AFDN: variants seen among roughly 807,000 people sequenced by gnomAD.
AFDN encodes afadin.
AFDN carries 68 observed loss-of-function variants against 216.6 expected under a neutral mutation model. The ratio of observed to expected loss-of-function variants is 0.31; its 90% confidence interval spans 0.26 to 0.38. The LOEUF is 0.38. Ranked by LOEUF, AFDN falls within the 10% of genes least tolerant of loss-of-function variation. The pLI, the probability that AFDN is intolerant of heterozygous loss-of-function variation, is 1.00. For missense variants in AFDN, 2,136 were observed against 2,342.0 expected, an observed-to-expected ratio of 0.91 and a Z score of 1.82; for synonymous variants, 868 against 853.7, an observed-to-expected ratio of 1.02 and a Z score of -0.29.
intron 1 of AFDN, among the ~76,000 whole-genome samples, chr6:167,859,127 T>C (rs1254688850): frequency 6.6e-6 from 1 of 151,530 alleles, no homozygotes; most frequent in African/African-American, 2.4e-5. Context: ...ATTTGTCTTG[T>C]AAAAATTTTA....
chr6:167,939,746 T>C (rs1443221858), intron 23 of AFDN, among the ~76,000 whole-genome samples: 2 of 152,202 alleles, frequency 1.3e-5, no homozygotes, highest in African/African-American at 4.8e-5. Flanking sequence ...AGATTATGTA[T>C]GAGGGATTAC....
chr6:167,902,538 C>T, intron 12 of AFDN, 152 bp downstream of exon 12: 1 of 556,012 alleles, frequency 1.8e-6, no homozygotes, highest in Non-Finnish European at 3.2e-6. Context: ...GTACAGAGCC[C>T]TATGGATACT....
intron 32 of AFDN, chr6:167,968,869 C>T (rs1224791667): frequency 1.5e-5 from 7 of 456,220 alleles, no homozygotes; most frequent in East Asian, 4.0e-5. Flanking sequence ...CAGTATTCCT[C>T]CCTCATAGTG....
At chr6:167,845,470 T>A (rs1035793670) in intron 1 of AFDN, among the ~76,000 whole-genome samples, 18 of 152,102 alleles carry the variant, frequency 1.2e-4, no homozygotes, top group African/African-American at 4.3e-4. Context: ...CGATCTTGGC[T>A]CACTGGCACC....
intron 1 of AFDN, among the ~76,000 whole-genome samples, chr6:167,860,587 T>G (rs900186163): frequency 6.6e-6 from 1 of 152,226 alleles, no homozygotes; most frequent in African/African-American, 2.4e-5. Context: ...AAGCTTGTTT[T>G]CATTTTATAA....
chr6:167,948,591 C>A (rs1795612427), intron 29 of AFDN, 113 bp downstream of exon 29: 2 of 1,030,078 alleles, frequency 1.9e-6, no homozygotes, highest in Non-Finnish European at 2.7e-6. Context: ...TTTGTTTTTC[C>A]TTTAATGGTT....
chr6:167,886,006 T>C (rs980502762), intron 6 of AFDN, among the ~76,000 whole-genome samples: 1 of 152,206 alleles, frequency 6.6e-6, no homozygotes, highest in African/African-American at 2.4e-5. Flanking sequence ...ACATGTGTTA[T>C]ATGATTAAGA....
chr6:167,919,145 C>T (rs1791475506), intron 21 of AFDN, among the ~76,000 whole-genome samples: 1 of 152,168 alleles, frequency 6.6e-6, no homozygotes, highest in South Asian at 2.1e-4. Flanking sequence ...GTTTTGTGAC[C>T]CTGTAGTGAG....
chr6:167,899,549 A>C (rs1183341128), intron 11 of AFDN, among the ~76,000 whole-genome samples: 1 of 152,190 alleles, frequency 6.6e-6, no homozygotes, highest in Admixed American at 6.5e-5. Flanking sequence ...CATTAGCTTT[A>C]CATGGGCTCT....
rs368104244 is a variant in AFDN, at chr6:167,875,429, C to T, written c.673C>T (p.Arg225Trp). ...TAATCCTGAGGTGGTTATGAAACGACGGAGGCAGCAAAAATTGGAAAAGAG... is the reference window on the plus strand; with the variant it reads ...TAATCCTGAGGTGGTTATGAAACGATGGAGGCAGCAAAAATTGGAAAAGAG... ...ISNPEVVMKR[R>W]RQQKLEKRMQ... Residue 225 changes from arginine to tryptophan, a missense_variant, in exon 5 of 34, where the codon CGG becomes TGG. Physicochemically the swap from Arg to Trp is moderately radical, Grantham distance 101. Coordinates refer to ENST00000683244, the MANE Select transcript of AFDN (RefSeq NM_001386888.1). 3.7e-6 allele frequency: 6 copies of T among 1,613,656 alleles called. No homozygotes were observed. Among genetic ancestry groups the T allele is most frequent in the African/African-American group, 2.7e-5 (2 of 74,794 alleles).
chr6:167,954,566 T>C, intron 30 of AFDN: 3 of 1,411,308 alleles, frequency 2.1e-6, no homozygotes, highest in Non-Finnish European at 2.9e-6. Context: ...GGTGGCTGTT[T>C]GATGTTTTCA....
intron 29 of AFDN, among the ~76,000 whole-genome samples, chr6:167,950,037 C>T (rs930051023): frequency 3.3e-5 from 5 of 152,110 alleles, no homozygotes; most frequent in African/African-American, 9.7e-5. Flanking sequence ...CAGCAGGGAG[C>T]GGCGGTAGGC....
rs144756938 is a variant in AFDN at position 167,915,758 on chromosome 6, A to G, written c.2565+325A>G. On this transcript the variant is annotated intron_variant, in intron 19 of 33. Transcript: ENST00000683244. ...CACCAAGCAACTGCAGATTGTTTAC[A>G]TGGTTTGTTTTCTGATAATTTAATG... Among the ~76,000 whole-genome samples the G allele has an allele frequency of 1.9e-3, 290 of 152,356 alleles. 1 individual carries two copies. Among genetic ancestry groups the G allele is most frequent in the African/African-American group, 6.6e-3 (276 of 41,590 alleles).
chr6:167,927,979 G>A (rs1291004900), intron 23 of AFDN, among the ~76,000 whole-genome samples: 1 of 152,168 alleles, frequency 6.6e-6, no homozygotes, highest in Non-Finnish European at 1.5e-5. Flanking sequence ...CATATTTTCT[G>A]TTATGTTCAT....
rs988483208 is a variant in AFDN at position 167,934,370 on chromosome 6, T to C, written c.3100-8759T>C. Among the ~76,000 whole-genome samples, 3 of 152,172 alleles carry C rather than the reference T, an allele frequency of 2.0e-5. No homozygotes were observed. In the South Asian group the frequency reaches 6.2e-4, roughly 32 times the overall value. ...CTTCCAAGGTTGCTGAATGTAGAATTCATATACAAAGTGAATTTTAGAACT... is the reference window on the plus strand; with the variant it reads ...CTTCCAAGGTTGCTGAATGTAGAATCCATATACAAAGTGAATTTTAGAACT... On this transcript the variant is annotated intron_variant, in intron 23 of 33. Coordinates refer to ENST00000683244, the MANE Select transcript of AFDN (RefSeq NM_001386888.1).
chr6:167,943,528 T>G, intron 25 of AFDN, 53 bp downstream of exon 25: 1 of 1,411,168 alleles, frequency 7.1e-7, no homozygotes, highest in Admixed American at 1.7e-5. Context: ...TAGGTGATTT[T>G]TGCATTAAAT....
chr6:167,915,125 G>T (rs778747457), intron 18 of AFDN, 43 bp from the exon 19 acceptor site: 12 of 1,601,588 alleles, frequency 7.5e-6, no homozygotes, highest in Non-Finnish European at 1.0e-5. Flanking sequence ...CTTCTTCCTG[G>T]ATGACATTTT....
chr6:167,928,343 T>C (rs1792836259), intron 23 of AFDN, among the ~76,000 whole-genome samples: 1 of 152,174 alleles, frequency 6.6e-6, no homozygotes, highest in Non-Finnish European at 1.5e-5. Context: ...CTTGCCAGGG[T>C]GACAGGGGGC....
At chr6:167,959,870 T>C (rs1220017635) in intron 30 of AFDN, among the ~76,000 whole-genome samples, 1 of 152,172 alleles carries the variant, frequency 6.6e-6, no homozygotes, top group Admixed American at 6.5e-5. Flanking sequence ...ATTCATCGGG[T>C]AATAGTTATT....
Sources: gnomAD v4.1 joint callset for allele counts (sites outside exome capture counted in the v4.1 genomes callset) on GRCh38, gnomAD v4.1.1 for gene constraint, MANE v1.5 for transcripts, NCBI Gene and HGNC (gene_info 2026-07-23, HGNC 2026-07-21) for gene names.